The following SLC35E2B variants were observed in gnomAD, a reference collection of about 807,000 sequenced individuals.
SLC35E2B encodes solute carrier family 35, member E2B.
Under a neutral mutation model 32.4 loss-of-function variants are expected in SLC35E2B, and 18 were observed. The ratio of observed to expected loss-of-function variants is 0.56; its 90% CI spans 0.38 to 0.82. SLC35E2B has a LOEUF of 0.82. Ranked by LOEUF, SLC35E2B falls within the 40% of genes least tolerant of loss-of-function variation. The probability of loss-of-function intolerance (pLI) is 0.00; values close to 1 mark genes in which losing one functional copy is unlikely to be tolerated. For synonymous variants in SLC35E2B, 132 were observed against 209.1 expected (o/e 0.63, Z 3.18); for missense variants, 263 against 469.5 (o/e 0.56, Z 4.06).
intron 2 of SLC35E2B, among the ~76,000 whole-genome samples, chr1:1,689,188 A>T (rs1400556916): frequency 6.6e-6 from 1 of 152,052 alleles, no homozygotes; most frequent in Non-Finnish European, 1.5e-5. Flanking sequence ...ACAAACAAAC[A>T]GGTCTGGTGT....
At chr1:1,684,477 C>T (rs952529455) in intron 2 of SLC35E2B, among the ~76,000 whole-genome samples, 8 of 152,098 alleles carry the variant, frequency 5.3e-5, no homozygotes, top group African/African-American at 1.7e-4. Flanking sequence ...AATAGGAGGC[C>T]GGGCGCGGGG....
intron 2 of SLC35E2B, among the ~76,000 whole-genome samples, chr1:1,684,976 G>A (rs1160054669): frequency 4.0e-5 from 6 of 151,290 alleles, no homozygotes; most frequent in African/African-American, 9.7e-5. Context: ...GCGTGGTGGC[G>A]CATGCCTGTA....
intron 5 of SLC35E2B, chr1:1,671,844 C>T: frequency 1.3e-5 from 6 of 450,944 alleles, no homozygotes; most frequent in Non-Finnish European, 2.3e-5. Context: ...GCGCCTTTCA[C>T]TCTACATGAG....
At chr1:1,681,320 C>G (rs1420865482) in intron 2 of SLC35E2B, among the ~76,000 whole-genome samples, 1 of 151,876 alleles carries the variant, frequency 6.6e-6, no homozygotes, top group East Asian at 1.9e-4. Flanking sequence ...GCCTCAGCCT[C>G]TGAAGTAGCT....
chr1:1,673,632 T>C (rs912909727), intron 5 of SLC35E2B, among the ~76,000 whole-genome samples: 29 of 151,762 alleles, frequency 1.9e-4, no homozygotes, highest in Admixed American at 6.6e-5. Flanking sequence ...ATTGCGCCAC[T>C]GCACTCCAGC....
intron 9 of SLC35E2B, among the ~76,000 whole-genome samples, chr1:1,666,848 G>C (rs988068074): frequency 6.6e-6 from 1 of 152,130 alleles, no homozygotes; most frequent in Admixed American, 6.5e-5. Context: ...GCTCACGCCT[G>C]TAATCCCAGC....
In SLC35E2B at chr1:1,665,829, C is replaced by T. The variant is rs762669423; in HGVS notation, c.1171G>A (p.Asp391Asn). 1.9e-5 allele frequency: 30 copies of T among 1,550,842 alleles called. No individual in the cohort carries two copies. The highest frequency in any genetic ancestry group is 1.7e-4 in the Middle Eastern group (1 of 5,978). ...LAAATGRAPD[D>N]TVEPLLPQDP... is the part of the protein sequence containing the mutation. ...TGTGGAAGCAGCGGCTCCACTGTGT[C>T]GTCTGGGGCCCGGCCAGTGGCTGCA... Residue 391 changes from aspartate (D) to asparagine (N), a missense_variant, in exon 10 of 10, where the codon GAC becomes AAC. Physicochemically the swap from Asp to Asn is conservative, Grantham distance 23 (BLOSUM62 1). Around this residue, in one of 7 missense-constraint regions of SLC35E2B, gnomAD observed 78 missense variants for 71.1 expected, o/e 1.10. Transcript: ENST00000617444.
intron 2 of SLC35E2B, among the ~76,000 whole-genome samples, chr1:1,678,044 G>A (rs1643868905): frequency 6.6e-6 from 1 of 151,758 alleles, no homozygotes; most frequent in African/African-American, 2.4e-5. Context: ...TTCCTGCTTC[G>A]GGGGAGGCTG....
Position 1,671,706 on chromosome 1 carries a change from C to G in SLC35E2B, c.587-77G>C. The G allele has an allele frequency of 3.6e-6, 5 of 1,370,786 alleles. No homozygotes were observed. In the South Asian group the frequency reaches 8.1e-5, roughly 22 times the overall value. 84.9% of individuals were successfully genotyped at this position (1,370,786 alleles called of 1,614,324 possible). ...CTCCCGAGGGCCAGGCTGTTTCCAT[C>G]CCCTCTTATGAAAGGAACGGATGCT... On this transcript the variant is annotated intron_variant, in intron 5 of 9. Transcript: ENST00000617444.
chr1:1,687,397 C>T (rs1243011028), intron 2 of SLC35E2B, among the ~76,000 whole-genome samples: 2 of 151,848 alleles, frequency 1.3e-5, no homozygotes, highest in African/African-American at 2.4e-5. Flanking sequence ...GGCAATGTGG[C>T]GAAACCCTGT....
chr1:1,689,902 G>A (rs1248725927), intron 2 of SLC35E2B, among the ~76,000 whole-genome samples: 2 of 149,846 alleles, frequency 1.3e-5, no homozygotes, highest in East Asian at 3.9e-4. Flanking sequence ...CAGGAGAATT[G>A]CTTGAACCCA....
rs1437484234 is a variant in SLC35E2B, at chr1:1,663,473, AAT to A, written c.*2307_*2308del. The stretch of plus-strand genomic sequence containing the variant: ...CCCCGCCACCTCCAGGGCATTTTCT[AAT>A]AGTGTTTGTTTTTGAGACGGAATCT... On this transcript the variant is annotated 3_prime_UTR_variant, in exon 10 of 10. Coordinates refer to ENST00000617444, the MANE Select transcript of SLC35E2B (RefSeq NM_001290264.2). 1.1e-6 allele frequency: 1 copy of A among 935,502 alleles called. No individual in the cohort carries two copies. The highest frequency in any genetic ancestry group is 1.3e-6 in the Non-Finnish European group (1 of 784,644). The allele number at this position is 935,502 out of a possible 1,614,324, so 58.0% of individuals were successfully genotyped here.
chr1:1,664,097 C>A lies in SLC35E2B; in HGVS notation c.*1685G>T, dbSNP rs1472396730. 19 of 529,144 alleles carry A rather than the reference C, an allele frequency of 3.6e-5. No homozygotes were observed. Among genetic ancestry groups the A allele is most frequent in the Non-Finnish European group, 4.6e-5 (19 of 412,382 alleles). The allele number at this position is 529,144 out of a possible 1,614,324, so 32.8% of individuals were successfully genotyped here. ...ACATGGGAGGCTGAGGTGGGAGGAT[C>A]ATTTGAGCCCAGGAAGTCGAGGCTG... On this transcript the variant is annotated 3_prime_UTR_variant, in exon 10 of 10. Coordinates refer to ENST00000617444, the MANE Select transcript of SLC35E2B (RefSeq NM_001290264.2).
At chr1:1,669,012 A>T (rs1034262266) in intron 8 of SLC35E2B, among the ~76,000 whole-genome samples, 7 of 151,816 alleles carry the variant, frequency 4.6e-5, no homozygotes, top group Non-Finnish European at 1.0e-4. Flanking sequence ...AAAAAAATTA[A>T]ATATAGAATT....
chr1:1,685,177 T>A (rs1643936201), intron 2 of SLC35E2B, among the ~76,000 whole-genome samples: 1 of 151,542 alleles, frequency 6.6e-6, no homozygotes, highest in Non-Finnish European at 1.5e-5. Flanking sequence ...ATCCTAGCAC[T>A]TTGGGAGACC....
intron 6 of SLC35E2B, 38 bp downstream of exon 6, chr1:1,671,471 G>A (rs762948138): frequency 3.6e-6 from 5 of 1,405,222 alleles, no homozygotes; most frequent in Non-Finnish European, 4.7e-6. Flanking sequence ...TGAGCACCGG[G>A]TCTCGTCCCC....
chr1:1,677,717 A>G (rs911950866), intron 2 of SLC35E2B, among the ~76,000 whole-genome samples: 1 of 150,154 alleles, frequency 6.7e-6, no homozygotes, highest in Non-Finnish European at 1.5e-5. Flanking sequence ...CGATCTCCTG[A>G]CCTCGTGAAC....
intron 2 of SLC35E2B, among the ~76,000 whole-genome samples, chr1:1,679,642 C>CGTGGAGA (rs1189276054): frequency 4.6e-5 from 7 of 150,610 alleles, no homozygotes; most frequent in Admixed American, 6.6e-5. Context: ...GCCTGGCAAA[C>CGTGGAGA]ACAGCAAAAC....
At chr1:1,683,486 A>T (rs1223653816) in intron 2 of SLC35E2B, among the ~76,000 whole-genome samples, 1 of 152,220 alleles carries the variant, frequency 6.6e-6, no homozygotes, top group African/African-American at 2.4e-5. Context: ...CGCGCAGGCA[A>T]GGCCTGGGCA....
Sources: allele counts gnomAD v4.1 joint callset (sites outside exome capture counted in the v4.1 genomes callset), GRCh38; gene constraint gnomAD v4.1.1; regional missense constraint gnomAD v4.1.1; transcripts MANE v1.5; gene names NCBI Gene and HGNC (gene_info 2026-07-23, HGNC 2026-07-21).